Variants in CPNE4 observed in about 807,000 individuals in gnomAD.
CPNE4 encodes the protein copine-4.
CPNE4 carries 25 observed loss-of-function variants against 67.9 expected under a neutral mutation model. That is an observed-to-expected ratio of 0.37 (90% CI 0.27 to 0.51). CPNE4 has a LOEUF of 0.51. Among genes scored for constraint, CPNE4 ranks in the 20% least tolerant of loss-of-function variants. CPNE4 has a pLI of 0.93. For synonymous variants in CPNE4, 242 were observed against 244.9 expected, an observed-to-expected ratio of 0.99 and a Z score of 0.11; for missense variants, 464 against 690.8, an observed-to-expected ratio of 0.67 and a Z score of 3.68.
chr3:131,692,080 C>G (rs1413962801), intron 5 of CPNE4, among the ~76,000 whole-genome samples: 1 of 152,034 alleles, frequency 6.6e-6, no homozygotes, highest in Non-Finnish European at 1.5e-5. Context: ...TATTATTCTG[C>G]TTTTTTAGTT....
At chr3:131,810,227 C>T (rs529310665) in intron 2 of CPNE4, among the ~76,000 whole-genome samples, 2 of 152,078 alleles carry the variant, frequency 1.3e-5, no homozygotes, top group East Asian at 3.9e-4. Flanking sequence ...AAAGCTTCTG[C>T]ACAGCATAGG....
chr3:131,659,809 T>G (rs1409257174), intron 7 of CPNE4, among the ~76,000 whole-genome samples: 1 of 152,112 alleles, frequency 6.6e-6, no homozygotes, highest in Non-Finnish European at 1.5e-5. Flanking sequence ...CATACCCTCA[T>G]CCCAGATTGC....
chr3:131,929,993 C>T lies in CPNE4; in HGVS notation c.-1-24549G>A, dbSNP rs1203160516. On this transcript the variant is annotated intron_variant, in intron 1 of 15. Coordinates refer to ENST00000429747, the MANE Select transcript of CPNE4 (RefSeq NM_130808.3). ...GTCCTCTTGTCTGCAAGTGCTATTA[C>T]AAATGTACTGTGGAGATTTTACAAG... is the stretch of plus-strand genomic sequence containing the variant. Among the ~76,000 whole-genome samples the T allele has an allele frequency of 5.3e-5, 8 of 152,134 alleles. No individual in the cohort carries two copies. The South Asian group carries it at 8.3e-4, about 16-fold the overall frequency.
chr3:131,910,807 A>C (rs2088947520), intron 1 of CPNE4, among the ~76,000 whole-genome samples: 1 of 152,150 alleles, frequency 6.6e-6, no homozygotes, highest in South Asian at 2.1e-4. Context: ...CATTGGGTCT[A>C]TTTTACCACA....
At chr3:132,032,598 A>C (rs2074259884) in intron 1 of CPNE4, among the ~76,000 whole-genome samples, 1 of 152,206 alleles carries the variant, frequency 6.6e-6, no homozygotes, top group Admixed American at 6.5e-5. Context: ...TGCACTATTA[A>C]CACAGGTGTT....
intron 2 of CPNE4, among the ~76,000 whole-genome samples, chr3:131,900,440 C>T (rs1439221976): frequency 6.6e-6 from 1 of 152,024 alleles, no homozygotes; most frequent in Non-Finnish European, 1.5e-5. Context: ...TTATTTTAGG[C>T]CCCCTCCACA....
At chr3:131,578,402 C>T (rs1314593254) in intron 9 of CPNE4, among the ~76,000 whole-genome samples, 1 of 152,126 alleles carries the variant, frequency 6.6e-6, no homozygotes, top group Non-Finnish European at 1.5e-5. Context: ...GTCTCTCCCT[C>T]TCCTTGGGTC....
chr3:131,625,470 C>A (rs1471243768), intron 7 of CPNE4, among the ~76,000 whole-genome samples: 1 of 152,192 alleles, frequency 6.6e-6, no homozygotes, highest in African/African-American at 2.4e-5. Flanking sequence ...TATAGATTTA[C>A]CCTTTGAGGG....
chr3:131,951,140 A>G (rs1384596636), intron 1 of CPNE4, among the ~76,000 whole-genome samples: 2 of 152,230 alleles, frequency 1.3e-5, no homozygotes, highest in Non-Finnish European at 2.9e-5. Flanking sequence ...AAGAATTAAC[A>G]TCATTAAAAG....
chr3:131,905,233 T>C (rs1334736150), intron 2 of CPNE4, 31 bp downstream of exon 2: 34 of 1,560,376 alleles, frequency 2.2e-5, no homozygotes, highest in Non-Finnish European at 2.5e-5. Context: ...CATCCAGCCA[T>C]GGTTCTGTCC....
intron 1 of CPNE4, among the ~76,000 whole-genome samples, chr3:131,909,218 A>G (rs2088884769): frequency 6.6e-6 from 1 of 152,170 alleles, no homozygotes; most frequent in South Asian, 2.1e-4. Flanking sequence ...CAGTAAAACA[A>G]TGGTGACAGC....
intron 3 of CPNE4, among the ~76,000 whole-genome samples, chr3:131,705,114 TC>T (rs1433557928): frequency 6.6e-6 from 1 of 151,876 alleles, no homozygotes; most frequent in Non-Finnish European, 1.5e-5. Context: ...TGCTCTTCTT[TC>T]CCTTCAATTG....
At chr3:131,631,394 A>T (rs2079217673) in intron 7 of CPNE4, among the ~76,000 whole-genome samples, 1 of 152,216 alleles carries the variant, frequency 6.6e-6, no homozygotes, top group South Asian at 2.1e-4. Flanking sequence ...GGAAAGGTAC[A>T]GGGAACTTCA....
chr3:131,728,726 T>C (rs1004828332), intron 2 of CPNE4, among the ~76,000 whole-genome samples: 2 of 151,194 alleles, frequency 1.3e-5, no homozygotes, highest in African/African-American at 2.4e-5. Flanking sequence ...CTGGCTAACA[T>C]GGTGAAACCC....
chr3:131,916,232 T>G (rs1374114010), intron 1 of CPNE4, among the ~76,000 whole-genome samples: 1 of 152,136 alleles, frequency 6.6e-6, no homozygotes, highest in Non-Finnish European at 1.5e-5. Context: ...AATCTTAGTC[T>G]TCTTTTGTTC....
chr3:132,024,415 A>C (rs989192305), intron 1 of CPNE4, among the ~76,000 whole-genome samples: 1 of 152,120 alleles, frequency 6.6e-6, no homozygotes, highest in Non-Finnish European at 1.5e-5. Flanking sequence ...AAGAGTGTAA[A>C]GCACCCTGTG....
chr3:131,831,679 A>C (rs910507550), intron 2 of CPNE4, among the ~76,000 whole-genome samples: 1 of 152,172 alleles, frequency 6.6e-6, no homozygotes, highest in Non-Finnish European at 1.5e-5. Flanking sequence ...AGGATAAAAA[A>C]TTTTAAGGGA....
At chr3:131,703,481 C>T (rs1467924223) in intron 3 of CPNE4, among the ~76,000 whole-genome samples, 3 of 152,278 alleles carry the variant, frequency 2.0e-5, no homozygotes, top group African/African-American at 4.8e-5. Context: ...CATCCACCCA[C>T]GGATCTGGGG....
At chr3:131,904,668 G>T (rs1361729527) in intron 2 of CPNE4, among the ~76,000 whole-genome samples, 1 of 152,036 alleles carries the variant, frequency 6.6e-6, no homozygotes, top group Non-Finnish European at 1.5e-5. Flanking sequence ...AGTGGAGTTT[G>T]CCCCTCTACT....
Sources: allele counts gnomAD v4.1 joint callset (sites outside exome capture counted in the v4.1 genomes callset), GRCh38; gene constraint gnomAD v4.1.1; transcripts MANE v1.5; gene names NCBI Gene and HGNC (gene_info 2026-07-23, HGNC 2026-07-21).